The following IL1RAPL2 variants were observed in gnomAD, a reference collection of about 807,000 sequenced individuals.
IL1RAPL2 encodes the protein X-linked interleukin-1 receptor accessory protein-like 2.
IL1RAPL2 carries 3 observed loss-of-function variants against 44.1 expected under a neutral mutation model. That is an observed-to-expected ratio of 0.07 (90% CI 0.03 to 0.18). The LOEUF is 0.18. IL1RAPL2 is among the 10% of genes least tolerant of loss of function. The probability of loss-of-function intolerance (pLI) is 1.00; values close to 1 mark genes in which losing one functional copy is unlikely to be tolerated. For synonymous variants in IL1RAPL2, 181 were observed against 178.8 expected (o/e 1.01, Z -0.10); for missense variants, 391 against 496.4 (o/e 0.79, Z 2.02).
chrX:104,840,168 T>A (rs1437395553), intron 2 of IL1RAPL2, among the ~76,000 whole-genome samples: 2 of 112,000 alleles, frequency 1.8e-5, no homozygotes, highest in African/African-American at 6.5e-5. Flanking sequence ...GGTGTTGATT[T>A]GTGATCTTTT....
intron 1 of IL1RAPL2, among the ~76,000 whole-genome samples, chrX:104,643,893 G>T (rs746765975): frequency 5.4e-5 from 6 of 111,339 alleles, no homozygotes; most frequent in South Asian, 7.6e-4. Flanking sequence ...CTAAGCCTCC[G>T]TTTCTCTGTA....
chrX:105,637,740 T>TAGACA (rs1299079435), intron 6 of IL1RAPL2, among the ~76,000 whole-genome samples: 5 of 109,527 alleles, frequency 4.6e-5, no homozygotes, highest in African/African-American at 1.7e-4. Context: ...AGACTATGGT[T>TAGACA]AGACATAAGG....
intron 5 of IL1RAPL2, among the ~76,000 whole-genome samples, chrX:105,286,404 T>G (rs1264799002): frequency 9.1e-6 from 1 of 109,381 alleles, no homozygotes; most frequent in Non-Finnish European, 1.9e-5. Flanking sequence ...TGTTATTTAC[T>G]GTTCCTACTA....
chrX:104,660,901 C>T (rs2148024433), intron 2 of IL1RAPL2, among the ~76,000 whole-genome samples: 1 of 104,280 alleles, frequency 9.6e-6, no homozygotes, highest in Admixed American at 1.1e-4. Flanking sequence ...CCACTGCACT[C>T]CAGCCTGGGT....
chrX:104,732,553 A>G (rs1235130875), intron 2 of IL1RAPL2, among the ~76,000 whole-genome samples: 1 of 111,842 alleles, frequency 8.9e-6, no homozygotes, highest in Non-Finnish European at 1.9e-5. Context: ...CAAAAATAAA[A>G]TATATTAAAA....
intron 3 of IL1RAPL2, among the ~76,000 whole-genome samples, chrX:105,197,502 C>T (rs1234814259): frequency 1.8e-5 from 2 of 111,846 alleles, no homozygotes; most frequent in African/African-American, 6.5e-5. Context: ...CTTCCCCAGG[C>T]CTGCTAATGT....
chrX:105,396,147 A>G (rs777506947), intron 5 of IL1RAPL2, among the ~76,000 whole-genome samples: 2 of 111,130 alleles, frequency 1.8e-5, no homozygotes, highest in East Asian at 5.8e-4. Flanking sequence ...AGATAATAAA[A>G]GACATAGAGG....
intron 4 of IL1RAPL2, among the ~76,000 whole-genome samples, chrX:105,257,689 C>A (rs1261313314): frequency 1.8e-5 from 2 of 111,669 alleles, no homozygotes; most frequent in East Asian, 5.6e-4. Context: ...TATGTAATAC[C>A]CTTTTCTATA....
intron 6 of IL1RAPL2, among the ~76,000 whole-genome samples, chrX:105,713,792 T>C (rs186264266): frequency 2.6e-3 from 290 of 111,718 alleles, no homozygotes; most frequent in Non-Finnish European, 4.0e-3. Context: ...GCGTATTAAT[T>C]CCTTTAACAA....
intron 2 of IL1RAPL2, among the ~76,000 whole-genome samples, chrX:104,723,357 G>A (rs979668327): frequency 4.5e-5 from 5 of 110,755 alleles, no homozygotes; most frequent in Non-Finnish European, 9.5e-5. Flanking sequence ...TACATGTAAC[G>A]TCCTGTTACT....
intron 2 of IL1RAPL2, among the ~76,000 whole-genome samples, chrX:104,670,002 T>C (rs1268569687): frequency 8.9e-6 from 1 of 111,829 alleles, no homozygotes; most frequent in Non-Finnish European, 1.9e-5. Context: ...TCTTCTAAAC[T>C]ACCTGTATTA....
chrX:105,277,581 A>T (rs1369281222), intron 5 of IL1RAPL2, among the ~76,000 whole-genome samples: 1 of 111,545 alleles, frequency 9.0e-6, no homozygotes, highest in Non-Finnish European at 1.9e-5. Flanking sequence ...TAATGTCTCA[A>T]TGAGCTAAAA....
intron 2 of IL1RAPL2, among the ~76,000 whole-genome samples, chrX:104,661,823 C>T (rs773650855): frequency 2.7e-5 from 3 of 111,749 alleles, no homozygotes; most frequent in Non-Finnish European, 5.6e-5. Flanking sequence ...GAATCACTAA[C>T]GGAACTCGTA....
chrX:105,377,407 T>TGA (rs963422554), intron 5 of IL1RAPL2, among the ~76,000 whole-genome samples: 5 of 107,649 alleles, frequency 4.6e-5, no homozygotes, highest in African/African-American at 1.0e-4. Context: ...TGTGTGTGTG[T>TGA]GAGAGAGAGA....
intron 2 of IL1RAPL2, among the ~76,000 whole-genome samples, chrX:105,014,714 T>A (rs1020879277): frequency 8.9e-6 from 1 of 112,579 alleles, no homozygotes; most frequent in African/African-American, 3.2e-5. Flanking sequence ...CAGTCTATCA[T>A]TGATGGGCAT....
At chrX:104,859,021 T>C (rs1339351245) in intron 2 of IL1RAPL2, among the ~76,000 whole-genome samples, 1 of 112,018 alleles carries the variant, frequency 8.9e-6, no homozygotes, top group Non-Finnish European at 1.9e-5. Context: ...AATGGCTTGA[T>C]TGACCTACCC....
At chrX:105,018,631 G>T (rs914465648) in intron 2 of IL1RAPL2, among the ~76,000 whole-genome samples, 66 of 111,133 alleles carry the variant, frequency 5.9e-4, no homozygotes, top group Admixed American at 5.3e-3. Context: ...CTGCACCTCA[G>T]TTTTGTCATT....
intron 4 of IL1RAPL2, among the ~76,000 whole-genome samples, chrX:105,266,246 T>C (rs1038398210): frequency 9.0e-6 from 1 of 110,526 alleles, no homozygotes; most frequent in African/African-American, 3.3e-5. Flanking sequence ...TTTACCATGT[T>C]GGCCAGGCTG....
At chrX:105,036,199 A>G (rs997990673) in intron 2 of IL1RAPL2, among the ~76,000 whole-genome samples, 1 of 111,215 alleles carries the variant, frequency 9.0e-6, no homozygotes. Flanking sequence ...ACCCTTTCCC[A>G]CTCCCAGCAC....
Sources: allele counts gnomAD v4.1 joint callset (sites outside exome capture counted in the v4.1 genomes callset), GRCh38; gene constraint gnomAD v4.1.1; transcripts MANE v1.5; gene names NCBI Gene and HGNC (gene_info 2026-07-23, HGNC 2026-07-21).